ACSF3: variants seen among roughly 807,000 people sequenced by gnomAD.
ACSF3 encodes the protein malonate--CoA ligase ACSF3, mitochondrial.
In ACSF3, 78 loss-of-function variants were observed where a neutral mutation model predicts 53.2. The ratio of observed to expected loss-of-function variants is 1.47; its 90% CI spans 1.22 to 1.77. ACSF3 has a LOEUF of 1.77. Ranked by LOEUF, ACSF3 falls within the 40% of genes most tolerant of loss-of-function variation. ACSF3 has a pLI of 0.00. For missense variants in ACSF3, 937 were observed against 771.1 expected (o/e 1.22, Z -2.55); for synonymous variants, 414 against 333.1 (o/e 1.24, Z -2.65).
intron 8 of ACSF3, chr16:89,136,530 T>A: frequency 7.9e-7 from 1 of 1,263,006 alleles, no homozygotes; most frequent in Non-Finnish European, 1.0e-6. Context: ...GAAATTAAAC[T>A]TAACCCTTTC....
Position 89,093,914 on chromosome 16 carries a change from C to A in ACSF3, c.-276C>A. On this transcript the variant is annotated 5_prime_UTR_variant, in exon 1 of 11. Coordinates refer to ENST00000614302, the MANE Select transcript of ACSF3 (RefSeq NM_001243279.3). ...CCGCGGGACCCGGCCGGAACCCGGC[C>A]CGACCCCGGCGCGCGCGCGGCGGAG... 3.0e-6 allele frequency: 1 copy of A among 328,920 alleles called. No homozygotes were observed. The highest frequency in any genetic ancestry group is 2.1e-5 in the South Asian group (1 of 47,936). The allele number at this position is 328,920 out of a possible 1,614,324, so 20.4% of individuals were successfully genotyped here.
intron 6 of ACSF3, among the ~76,000 whole-genome samples, chr16:89,116,803 C>G (rs1905198996): frequency 6.6e-6 from 1 of 152,188 alleles, no homozygotes; most frequent in Non-Finnish European, 1.5e-5. Flanking sequence ...GTCTCAGACC[C>G]CAGGAAACCT....
intron 8 of ACSF3, among the ~76,000 whole-genome samples, chr16:89,134,268 T>A (rs754644004): frequency 5.9e-5 from 9 of 151,762 alleles, no homozygotes; most frequent in Non-Finnish European, 1.3e-4. Flanking sequence ...TCTTGGGCCA[T>A]GCGGTAAGTG....
chr16:89,124,851 C>A (rs917483744), intron 7 of ACSF3, among the ~76,000 whole-genome samples: 2 of 152,206 alleles, frequency 1.3e-5, no homozygotes, highest in Admixed American at 6.5e-5. Flanking sequence ...TGCCACTTTG[C>A]CAAAGATTAA....
At chr16:89,143,842 G>C (rs1912366419) in intron 8 of ACSF3, among the ~76,000 whole-genome samples, 1 of 152,048 alleles carries the variant, frequency 6.6e-6, no homozygotes, top group South Asian at 2.1e-4. Context: ...TTGTTTAATA[G>C]ACTGAGGAGC....
intron 4 of ACSF3, among the ~76,000 whole-genome samples, chr16:89,108,614 G>A (rs1976306506): frequency 6.6e-6 from 1 of 152,156 alleles, no homozygotes; most frequent in Non-Finnish European, 1.5e-5. Flanking sequence ...GTTTGAGATG[G>A]CAGCGTGTGC....
chr16:89,142,930 G>C (rs557002980), intron 8 of ACSF3, among the ~76,000 whole-genome samples: 1 of 152,288 alleles, frequency 6.6e-6, no homozygotes, highest in South Asian at 2.1e-4. Flanking sequence ...CATAAATTAA[G>C]CTCATGTGAG....
chr16:89,147,259 GTGAGTGAGGGA>G (rs1913177699), intron 10 of ACSF3, among the ~76,000 whole-genome samples: 1 of 101,170 alleles, frequency 9.9e-6, no homozygotes, highest in African/African-American at 3.9e-5. Flanking sequence ...GGGTCACAGA[GTGAGTGAGGGA>G]GGAGGGAGGG....
At chr16:89,107,995 G>T (rs567573477) in intron 4 of ACSF3, among the ~76,000 whole-genome samples, 1 of 152,324 alleles carries the variant, frequency 6.6e-6, no homozygotes, top group African/African-American at 2.4e-5. Context: ...ATCATGGTGG[G>T]AGGCAAAAGG....
chr16:89,102,363 GCCTCTGGCTGTGTGTGGCGCTGT>G, intron 3 of ACSF3: 1 of 572,586 alleles, frequency 1.7e-6, no homozygotes. Context: ...ATTCCCTAAA[GCCTCTGGCTGTGTGTGGCGCTGT>G]CCTCTGTCCC....
At chr16:89,117,111 G>A (rs114692075) in intron 6 of ACSF3, among the ~76,000 whole-genome samples, 11 of 152,280 alleles carry the variant, frequency 7.2e-5, no homozygotes, top group African/African-American at 2.2e-4. Flanking sequence ...AAAGGGTAAC[G>A]GGCTCTGGGC....
intron 7 of ACSF3, among the ~76,000 whole-genome samples, chr16:89,132,046 T>C (rs1391702857): frequency 1.3e-5 from 2 of 152,242 alleles, no homozygotes; most frequent in Admixed American, 1.3e-4. Context: ...GAGCCCAGGC[T>C]GGCGGGTTGG....
chr16:89,150,689 G>T (rs1567754085), intron 10 of ACSF3: 2 of 315,518 alleles, frequency 6.3e-6, no homozygotes, highest in African/African-American at 4.3e-5. Flanking sequence ...ACAGGACTGG[G>T]CAGGGAAGGC....
chr16:89,121,581 A>G (rs997258834), intron 7 of ACSF3, among the ~76,000 whole-genome samples: 2 of 152,236 alleles, frequency 1.3e-5, no homozygotes, highest in African/African-American at 2.4e-5. Context: ...TGGAATCTTG[A>G]TTTAAAAGGA....
intron 7 of ACSF3, 125 bp from the exon 8 acceptor site, chr16:89,133,011 A>T (rs1259009196): frequency 2.2e-6 from 3 of 1,385,652 alleles, no homozygotes; most frequent in Non-Finnish European, 2.0e-6. Flanking sequence ...CAAAGCGCTC[A>T]GTTTCAGAAA....
chr16:89,112,929 C>T (rs1261756381), intron 5 of ACSF3, among the ~76,000 whole-genome samples: 1 of 152,252 alleles, frequency 6.6e-6, no homozygotes, highest in Non-Finnish European at 1.5e-5. Context: ...CAGCCCCGCT[C>T]CTCCCCTCCC....
intron 3 of ACSF3, among the ~76,000 whole-genome samples, chr16:89,101,571 T>A (rs997855715): frequency 6.6e-6 from 1 of 152,026 alleles, no homozygotes; most frequent in Non-Finnish European, 1.5e-5. Context: ...GTAGAGGGAT[T>A]GAGGGGCCGC....
intron 7 of ACSF3, among the ~76,000 whole-genome samples, chr16:89,129,544 A>T (rs1445215363): frequency 6.6e-6 from 1 of 152,028 alleles, no homozygotes; most frequent in Non-Finnish European, 1.5e-5. Context: ...ATACAGTTGG[A>T]TTATGTGTGT....
Position 89,133,252 on chromosome 16 carries a change from G to T in ACSF3, c.1356G>T (p.Trp452Cys), listed in dbSNP as rs1406920023. ...ETKSAFTLDG[W>C]FKTGDTVVFK... ...AGAGTGCATTCACCCTGGATGGCTG[G>T]TTTAAGACAGGTAGGACCCAGCCCC... Residue 452 changes from tryptophan to cysteine, a missense_variant, in exon 8 of 11, where the codon TGG (tryptophan) becomes TGT (cysteine). Transcript: ENST00000614302. 7 of 1,613,964 alleles carry T rather than the reference G, an allele frequency of 4.3e-6. No individual in the cohort carries two copies. The highest frequency in any genetic ancestry group is 5.1e-6 in the Non-Finnish European group (6 of 1,179,982).
Sources: allele counts gnomAD v4.1 joint callset (sites outside exome capture counted in the v4.1 genomes callset), GRCh38; gene constraint gnomAD v4.1.1; transcripts MANE v1.5; gene names NCBI Gene and HGNC (gene_info 2026-07-23, HGNC 2026-07-21).